The following PGBD2 variants were observed in gnomAD, a reference collection of about 807,000 sequenced individuals.
The protein encoded by PGBD2 is piggyBac transposable element derived 2.
A neutral mutation model predicts 8.1 loss-of-function variants in PGBD2; 6 were observed. The ratio of observed to expected loss-of-function variants is 0.74; its 90% confidence interval spans 0.40 to 1.46. The LOEUF (loss-of-function observed/expected upper bound fraction) is 1.46, where lower values mean the gene tolerates loss of function less well. Among genes scored for constraint, PGBD2 ranks in the 40% most tolerant of loss-of-function variants. The pLI is 0.02. For missense variants in PGBD2, 802 were observed against 739.0 expected (o/e 1.09, Z -0.99); for synonymous variants, 318 against 272.2 (o/e 1.17, Z -1.66).
At chr1:248,890,084 C>T in the PGBD2 span, among the ~76,000 whole-genome samples, 8 of 151,948 alleles carry the variant, frequency 5.3e-5, no homozygotes, top group East Asian at 3.9e-4. Flanking sequence ...TGCGCCACCA[C>T]GCCCAGCTAA....
At chr1:248,927,824 G>C in the PGBD2 span, among the ~76,000 whole-genome samples, 1 of 152,168 alleles carries the variant, frequency 6.6e-6, no homozygotes, top group Non-Finnish European at 1.5e-5. Flanking sequence ...CTAGTAAATA[G>C]ATAGATGATA....
At chr1:248,929,603 T>C in the PGBD2 span, among the ~76,000 whole-genome samples, 35 of 152,306 alleles carry the variant, frequency 2.3e-4, no homozygotes, top group African/African-American at 8.2e-4. Context: ...AGCAAGCTCC[T>C]AGCAGATGAG....
chr1:248,903,086 C>T (rs987130633), upstream of PGBD2, among the ~76,000 whole-genome samples: 1 of 152,114 alleles, frequency 6.6e-6, no homozygotes. Flanking sequence ...TGGTCTCAAA[C>T]TTCTGTGCTC....
chr1:248,889,752 T>G, the PGBD2 span, among the ~76,000 whole-genome samples: 1 of 151,934 alleles, frequency 6.6e-6, no homozygotes. Flanking sequence ...TCCTTTCCCT[T>G]CAGGTGCTCT....
At chr1:248,877,626 A>C in the PGBD2 span, among the ~76,000 whole-genome samples, 2 of 152,212 alleles carry the variant, frequency 1.3e-5, no homozygotes, top group African/African-American at 2.4e-5. Context: ...ATAAATGATT[A>C]CTAGGGAGAA....
Position 248,917,834 on chromosome 1 carries a change from G to C in PGBD2, c.1250G>C (p.Ser417Thr). 2 of 1,614,208 alleles carry C rather than the reference G, an allele frequency of 1.2e-6. No individual in the cohort carries two copies. Among genetic ancestry groups the C allele is most frequent in the Non-Finnish European group, 1.7e-6 (2 of 1,180,044 alleles). The change falls in exon 3 of 3, where the codon AGC becomes ACC. Residue 417 changes from serine to threonine, a missense_variant. Physicochemically the swap from Ser to Thr is moderately conservative, Grantham distance 58 (BLOSUM62 1). Transcript: ENST00000329291. ...EIIVCRWHDS[S>T]VVNICSNAVG... ...ATCGTGTGCCGCTGGCACGATAGCA[G>C]CGTGGTCAACATTTGCTCCAATGCT...
chr1:248,880,256 A>G, the PGBD2 span, among the ~76,000 whole-genome samples: 1 of 152,138 alleles, frequency 6.6e-6, no homozygotes, highest in Non-Finnish European at 1.5e-5. Context: ...ATTCCATGTG[A>G]GCAGTTTTGG....
the PGBD2 span, among the ~76,000 whole-genome samples, chr1:248,925,286 G>C: frequency 6.6e-6 from 1 of 152,240 alleles, no homozygotes; most frequent in East Asian, 1.9e-4. Context: ...AGGTGTCTCA[G>C]AGAGCTCAGC....
downstream of PGBD2, chr1:248,919,190 T>C (rs1176106676): frequency 1.2e-5 from 2 of 167,056 alleles, no homozygotes; most frequent in South Asian, 2.1e-4. Flanking sequence ...ACTCATTCTT[T>C]CTATTTTTTC....
At chr1:248,920,840 C>G (rs1027372039), downstream of PGBD2, among the ~76,000 whole-genome samples, 12 of 152,320 alleles carry the variant, frequency 7.9e-5, no homozygotes, top group Non-Finnish European at 1.6e-4. Context: ...GCCATTCTAA[C>G]TGGTGTGAGA....
the PGBD2 span, among the ~76,000 whole-genome samples, chr1:248,882,121 T>C: frequency 6.5e-4 from 99 of 151,954 alleles, 1 homozygote; most frequent in Non-Finnish European, 8.7e-4. Flanking sequence ...GATCGGCAGG[T>C]TGAGAAATAA....
chr1:248,884,378 T>C, the PGBD2 span, among the ~76,000 whole-genome samples: 2 of 152,044 alleles, frequency 1.3e-5, no homozygotes, highest in Non-Finnish European at 2.9e-5. Flanking sequence ...TCTCGCTCTG[T>C]AGCCCAGGCT....
intron 2 of PGBD2, chr1:248,914,636 G>GC: frequency 7.9e-7 from 1 of 1,273,182 alleles, no homozygotes; most frequent in Non-Finnish European, 1.0e-6. Flanking sequence ...AGAGGTTGGG[G>GC]CCTGCAAAGG....
chr1:248,923,287 G>T (rs550364745), downstream of PGBD2, among the ~76,000 whole-genome samples: 7 of 152,188 alleles, frequency 4.6e-5, no homozygotes, highest in African/African-American at 1.4e-4. Context: ...TGTATTTCTG[G>T]GGGATCAGTG....
chr1:248,917,472 T>G lies in PGBD2; in HGVS notation c.888T>G (p.Ile296Met). The G allele has an allele frequency of 1.2e-6, 2 of 1,613,950 alleles. No individual in the cohort carries two copies. Among genetic ancestry groups the G allele is most frequent in the South Asian group, 1.1e-5 (1 of 91,074 alleles). Reference protein sequence around the residue: ...RGKPVRLGYKIWCGTTSRGYL... With the variant: ...RGKPVRLGYKMWCGTTSRGYL... ...AGCCTGTGCGACTTGGCTACAAGAT[T>G]TGGTGTGGGACAACCAGCAGAGGCT... The change falls in exon 3 of 3, where the codon ATT (isoleucine) becomes ATG (methionine). Residue 296 changes from isoleucine (I) to methionine (M), a missense_variant. Transcript: ENST00000329291.
intron 1 of PGBD2, among the ~76,000 whole-genome samples, chr1:248,907,897 C>T (rs537788180): frequency 6.6e-6 from 1 of 152,168 alleles, no homozygotes; most frequent in Admixed American, 6.5e-5. Flanking sequence ...ACTTCTCTTT[C>T]TTTTCCCTAC....
downstream of PGBD2, among the ~76,000 whole-genome samples, chr1:248,922,354 C>A (rs74807999): frequency 6.6e-6 from 1 of 152,246 alleles, no homozygotes; most frequent in Non-Finnish European, 1.5e-5. Flanking sequence ...CCACCGTGCC[C>A]AGCTGAGAAA....
intron 1 of PGBD2, among the ~76,000 whole-genome samples, chr1:248,909,178 G>T (rs995068282): frequency 1.3e-5 from 2 of 152,126 alleles, no homozygotes; most frequent in Non-Finnish European, 2.9e-5. Context: ...TCCTCTGTTG[G>T]TTGTCTCAGG....
chr1:248,913,927 T>A (rs769056288), intron 2 of PGBD2, 48 bp downstream of exon 2: 1 of 1,547,468 alleles, frequency 6.5e-7, no homozygotes, highest in South Asian at 1.1e-5. Context: ...TTTATTCCCC[T>A]ATGCTTTTGA....
Sources: allele counts gnomAD v4.1 joint callset (sites outside exome capture counted in the v4.1 genomes callset), GRCh38; gene constraint gnomAD v4.1.1; transcripts MANE v1.5; gene names NCBI Gene and HGNC (gene_info 2026-07-23, HGNC 2026-07-21).